The following COL28A1 variants were observed in gnomAD, a reference collection of about 807,000 sequenced individuals.
COL28A1 encodes the protein collagen alpha-1(XXVIII) chain.
In COL28A1, 161 loss-of-function variants were observed where a neutral mutation model predicts 150.2. That is an observed-to-expected ratio of 1.07 (90% confidence interval 0.94 to 1.22). COL28A1 has a LOEUF of 1.22. Among genes scored for constraint, COL28A1 ranks in the 50% most tolerant of loss-of-function variants. The probability of loss-of-function intolerance (pLI) is 0.00; values close to 1 mark genes in which losing one functional copy is unlikely to be tolerated. For missense variants in COL28A1, 1,617 were observed against 1,388.3 expected (o/e 1.16, Z -2.62); for synonymous variants, 552 against 469.7 (o/e 1.18, Z -2.26).
intron 27 of COL28A1, among the ~76,000 whole-genome samples, chr7:7,412,051 T>C (rs1185329091): frequency 6.6e-6 from 1 of 152,162 alleles, no homozygotes; most frequent in Non-Finnish European, 1.5e-5. Flanking sequence ...ACCAAACCTC[T>C]GGTTCCTTTT....
In COL28A1 at chr7:7,520,064, G is replaced by T; in HGVS notation, c.811C>A (p.Pro271Thr). 4 of 1,357,528 alleles carry T rather than the reference G, an allele frequency of 2.9e-6. No homozygotes were observed. Among genetic ancestry groups the T allele is most frequent in the Non-Finnish European group, 4.2e-6 (4 of 947,622 alleles). 84.1% of individuals were successfully genotyped at this position (1,357,528 alleles called of 1,614,324 possible). The stretch of plus-strand genomic sequence containing the variant: ...AGAAAAGCTGTTTATTCATTTACCG[G>T]GTTTCCTTTTGGTCCTCGCTCACCT... ...IKGERGPKGN[P>T]GNAQKGEAGE... The change falls in exon 6 of 35, where the codon CCG becomes ACG. Residue 271 changes from proline (P) to threonine (T), a missense_variant and splice_region_variant. Transcript: ENST00000399429.
chr7:7,534,555 G>T (rs1782541557), intron 1 of COL28A1, among the ~76,000 whole-genome samples: 1 of 152,072 alleles, frequency 6.6e-6, no homozygotes, highest in Admixed American at 6.6e-5. Context: ...CATCTCAGAA[G>T]TTCTGGAAAT....
the COL28A1 span, among the ~76,000 whole-genome samples, chr7:7,340,410 T>G: frequency 6.6e-6 from 1 of 152,148 alleles, no homozygotes; most frequent in Admixed American, 6.6e-5. Flanking sequence ...TTCTTGGGAC[T>G]ACTTAACATT....
intron 20 of COL28A1, among the ~76,000 whole-genome samples, chr7:7,442,385 C>T (rs1785871304): frequency 6.6e-6 from 1 of 152,104 alleles, no homozygotes; most frequent in Non-Finnish European, 1.5e-5. Flanking sequence ...ATTATTAACT[C>T]CAAGCGCCTA....
intron 13 of COL28A1, among the ~76,000 whole-genome samples, chr7:7,488,298 T>C (rs1779735064): frequency 6.6e-6 from 1 of 152,230 alleles, no homozygotes; most frequent in African/African-American, 2.4e-5. Flanking sequence ...CTCTCTTTTT[T>C]GAATTAGTAT....
intron 13 of COL28A1, among the ~76,000 whole-genome samples, chr7:7,487,793 T>C (rs992849639): frequency 2.6e-5 from 4 of 152,322 alleles, no homozygotes; most frequent in African/African-American, 9.6e-5. Flanking sequence ...ATACTTACTT[T>C]AGATGTCACA....
chr7:7,531,237 T>C (rs1266101984), intron 3 of COL28A1, 111 bp downstream of exon 3: 2 of 526,344 alleles, frequency 3.8e-6, no homozygotes, highest in Non-Finnish European at 6.7e-6. Flanking sequence ...GTTTTCAGTG[T>C]TAACTCTCAT....
At chr7:7,537,768 G>C (rs142317653), upstream of COL28A1, among the ~76,000 whole-genome samples, 3 of 152,198 alleles carry the variant, frequency 2.0e-5, no homozygotes, top group Non-Finnish European at 4.4e-5. Flanking sequence ...AATAACAACG[G>C]AATTTCCTAG....
intron 20 of COL28A1, among the ~76,000 whole-genome samples, chr7:7,441,705 A>C (rs889530698): frequency 3.9e-5 from 6 of 152,152 alleles, no homozygotes; most frequent in African/African-American, 9.7e-5. Context: ...ACTGAGGTCC[A>C]AACATTTGCA....
the COL28A1 span, among the ~76,000 whole-genome samples, chr7:7,344,448 A>T: frequency 2.6e-5 from 4 of 151,980 alleles, no homozygotes; most frequent in Non-Finnish European, 5.9e-5. Context: ...ATGCATTTTT[A>T]GTTTATCTCA....
intron 25 of COL28A1, among the ~76,000 whole-genome samples, chr7:7,424,410 T>A (rs1784541524): frequency 1.3e-5 from 2 of 152,050 alleles, no homozygotes; most frequent in Admixed American, 1.3e-4. Flanking sequence ...ACGGCACTGG[T>A]TTTGTCATAA....
At chr7:7,535,558 TAA>T (rs200533151) in intron 1 of COL28A1, among the ~76,000 whole-genome samples, 190 bp downstream of exon 1, 2,313 of 152,294 alleles carry the variant, frequency 0.015, 60 homozygotes, top group African/African-American at 0.052. Flanking sequence ...AAAATAATTT[TAA>T]GTTTTAAATT....
At chr7:7,536,032 G>A (rs1782622235), upstream of COL28A1, among the ~76,000 whole-genome samples, 1 of 152,192 alleles carries the variant, frequency 6.6e-6, no homozygotes. Context: ...CCAGACTATT[G>A]TAAAAACAAC....
intron 15 of COL28A1, among the ~76,000 whole-genome samples, chr7:7,465,260 G>C (rs886341751): frequency 4.7e-4 from 13 of 27,866 alleles, no homozygotes; most frequent in African/African-American, 1.8e-3. Context: ...CACCGTGCGC[G>C]AGCCGAAGCA....
In COL28A1 at chr7:7,531,761, C is replaced by T. The variant is rs1403824333; in HGVS notation, c.268G>A (p.Asp90Asn). The change falls in exon 3 of 35, where the codon GAC (aspartate) becomes AAC (asparagine). Residue 90 changes from aspartate to asparagine, a missense_variant. By Grantham distance (23) the Asp-to-Asn change is conservative. Coordinates refer to ENST00000399429, the MANE Select transcript of COL28A1 (RefSeq NM_001037763.3). ...AACTGAAGGGCTGCCAGTTTGATGT[C>T]ATATTCCAAGGAGCGACCAGGAGTC... Reference protein sequence around the residue: ...QLTPGRSLEYDIKLAALQFSS... With the variant: ...QLTPGRSLEYNIKLAALQFSS... 2 of 1,609,380 alleles carry T rather than the reference C, an allele frequency of 1.2e-6. No individual in the cohort carries two copies. Among genetic ancestry groups the T allele is most frequent in the Admixed American group, 3.3e-5 (2 of 60,024 alleles).
chr7:7,524,252 A>G lies in COL28A1; in HGVS notation c.682-3T>C. The G allele has an allele frequency of 7.4e-7, 1 of 1,355,666 alleles. No individual in the cohort carries two copies. Among genetic ancestry groups the G allele is most frequent in the Non-Finnish European group, 1.1e-6 (1 of 944,620 alleles). 84.0% of individuals were successfully genotyped at this position (1,355,666 alleles called of 1,614,324 possible). On this transcript the variant is annotated splice_region_variant and splice_polypyrimidine_tract_variant and intron_variant, in intron 3 of 34. Coordinates refer to ENST00000399429, the MANE Select transcript of COL28A1 (RefSeq NM_001037763.3). ...ACCTTCTTTTCAAATAAGATATCCT[A>G]CAAGGGAAAAAAGAATGAAGCATTA...
At chr7:7,461,126 T>C (rs1787585760) in intron 15 of COL28A1, among the ~76,000 whole-genome samples, 1 of 152,200 alleles carries the variant, frequency 6.6e-6, no homozygotes, top group South Asian at 2.1e-4. Context: ...TGTCCGCCCC[T>C]GAACACATAC....
intron 3 of COL28A1, among the ~76,000 whole-genome samples, chr7:7,524,454 C>T (rs1781912075): frequency 6.6e-6 from 1 of 152,168 alleles, no homozygotes; most frequent in Non-Finnish European, 1.5e-5. Flanking sequence ...ATATAACTAC[C>T]ATTAAAAATT....
At chr7:7,389,769 G>A (rs145340391) in intron 27 of COL28A1, among the ~76,000 whole-genome samples, 2,250 of 152,166 alleles carry the variant, frequency 0.015, 49 homozygotes, top group African/African-American at 0.05. Context: ...ATTGTGAATG[G>A]GAGTTCACTC....
Sources: gnomAD v4.1 joint callset for allele counts (sites outside exome capture counted in the v4.1 genomes callset) on GRCh38, gnomAD v4.1.1 for gene constraint, MANE v1.5 for transcripts, NCBI Gene and HGNC (gene_info 2026-07-23, HGNC 2026-07-21) for gene names.